The following IDE variants were observed in gnomAD, a reference collection of about 807,000 sequenced individuals.
The protein encoded by IDE is insulin-degrading enzyme.
IDE carries 58 observed loss-of-function variants against 133.2 expected under a neutral mutation model. The ratio of observed to expected loss-of-function variants is 0.44; its 90% confidence interval spans 0.35 to 0.54. The LOEUF (loss-of-function observed/expected upper bound fraction) is 0.54, where lower values mean the gene tolerates loss of function less well. IDE is among the 20% of genes least tolerant of loss of function. The pLI is 0.00. For synonymous variants in IDE, 396 were observed against 421.3 expected (o/e 0.94, Z 0.73); for missense variants, 981 against 1,234.0 (o/e 0.79, Z 3.07).
intron 1 of IDE, among the ~76,000 whole-genome samples, chr10:92,569,869 G>A (rs1247484020): frequency 6.6e-6 from 1 of 152,110 alleles, no homozygotes; most frequent in African/African-American, 2.4e-5. Context: ...GAGCACTTTG[G>A]GAGGCCAAGG....
chr10:92,559,183 G>A (rs1416392090), intron 1 of IDE: 1 of 152,198 alleles, frequency 6.6e-6, no homozygotes, highest in African/African-American at 2.4e-5. Flanking sequence ...ATGCAAAATA[G>A]TGCCGCTGCT....
At chr10:92,456,646 C>T in intron 22 of IDE, among the ~76,000 whole-genome samples, 1 of 151,950 alleles carries the variant, frequency 6.6e-6, no homozygotes, top group East Asian at 1.9e-4. Context: ...CGAGACCAGC[C>T]TGGCCAACAT....
In IDE at chr10:92,524,431, T is replaced by TA. The variant is rs1564647856; in HGVS notation, c.661+7316_661+7317insT. Among the ~76,000 whole-genome samples the TA allele has an allele frequency of 1.3e-3, 81 of 63,412 alleles. 15 individuals carry two copies. Among genetic ancestry groups the TA allele is most frequent in the African/African-American group, 5.3e-3 (79 of 14,960 alleles). 41.6% of individuals were successfully genotyped at this position (63,412 alleles called of 152,430 possible). A position where few individuals can be genotyped will look rare whatever the true frequency, so the allele number is the denominator to read the frequency against. On this transcript the variant is annotated intron_variant, in intron 4 of 24. Transcript: ENST00000265986. ...TATATATTATATTATATATAATATATTTTATATAATATATTTTATATATTA... is the reference window on the plus strand; with the variant it reads ...TATATATTATATTATATATAATATATATTTATATAATATATTTTATATATTA...
chr10:92,474,701 G>A, intron 17 of IDE, 140 bp downstream of exon 17: 2 of 702,912 alleles, frequency 2.8e-6, no homozygotes, highest in Non-Finnish European at 4.6e-6. Flanking sequence ...GCCCACCACT[G>A]TTTTTATAAA....
intron 9 of IDE, among the ~76,000 whole-genome samples, 154 bp from the exon 10 acceptor site, chr10:92,506,676 G>C (rs951164440): frequency 1.3e-5 from 2 of 150,808 alleles, no homozygotes; most frequent in African/African-American, 4.9e-5. Flanking sequence ...ATTTAGAAAT[G>C]TATAGAATAT....
chr10:92,487,660 A>G (rs979747861), intron 12 of IDE, among the ~76,000 whole-genome samples: 1 of 152,246 alleles, frequency 6.6e-6, no homozygotes, highest in African/African-American at 2.4e-5. Context: ...AATGGAGAAT[A>G]ATCTGCTCAG....
At chr10:92,497,357 G>T (rs1348019012) in intron 11 of IDE, among the ~76,000 whole-genome samples, 1 of 152,164 alleles carries the variant, frequency 6.6e-6, no homozygotes, top group Non-Finnish European at 1.5e-5. Flanking sequence ...TGGCTACCTT[G>T]GTATTTAATG....
chr10:92,493,393 CTTTT>C (rs746219687), intron 11 of IDE, among the ~76,000 whole-genome samples: 1 of 137,662 alleles, frequency 7.3e-6, no homozygotes, highest in Non-Finnish European at 1.6e-5. Context: ...CGCTTGATTT[CTTTT>C]TTTTTTTTTT....
chr10:92,548,743 T>C (rs183441270), intron 1 of IDE, among the ~76,000 whole-genome samples: 2 of 152,326 alleles, frequency 1.3e-5, no homozygotes, highest in African/African-American at 4.8e-5. Flanking sequence ...TTTATAAGAC[T>C]ATTAGGAAAC....
intron 14 of IDE, 177 bp from the exon 15 acceptor site, chr10:92,479,598 G>T (rs1216178158): frequency 1.8e-6 from 1 of 569,522 alleles, no homozygotes; most frequent in East Asian, 3.0e-5. Flanking sequence ...AAAGAAGCCT[G>T]AAGTGTGTGT....
intron 13 of IDE, among the ~76,000 whole-genome samples, chr10:92,484,562 G>A (rs1846852630): frequency 6.6e-6 from 1 of 151,952 alleles, no homozygotes; most frequent in East Asian, 1.9e-4. Context: ...GCAAAACCCT[G>A]TCTCTATTAA....
chr10:92,529,480 G>C (rs1300932400), intron 4 of IDE, among the ~76,000 whole-genome samples: 1 of 152,108 alleles, frequency 6.6e-6, no homozygotes, highest in Non-Finnish European at 1.5e-5. Context: ...AGCTTTTCAG[G>C]CTATAAAAAG....
At chr10:92,570,179 T>C (rs974726844) in intron 1 of IDE, among the ~76,000 whole-genome samples, 2 of 152,156 alleles carry the variant, frequency 1.3e-5, no homozygotes, top group African/African-American at 4.8e-5. Flanking sequence ...TAAAATAATT[T>C]TGTGAGTCCC....
chr10:92,545,946 T>C (rs540071310), intron 1 of IDE, among the ~76,000 whole-genome samples: 30 of 152,220 alleles, frequency 2.0e-4, no homozygotes, highest in Non-Finnish European at 3.2e-4. Context: ...ATAACCCAAA[T>C]AAATGCATTT....
In IDE at chr10:92,515,515, TC is replaced by T. The variant is rs1848863069; in HGVS notation, c.662-474del. ...ACCTCGTGATCCGCCCGCCTCAGCC[TC>T]CCAAAGTGCTGGGATTACAGGCATG... On this transcript the variant is annotated intron_variant, in intron 4 of 24. Transcript: ENST00000265986. 2.0e-5 allele frequency among the ~76,000 whole-genome samples: 3 copies of T among 149,170 alleles called. No individual in the cohort carries two copies. The East Asian group carries it at 6.1e-4, about 30-fold the overall frequency.
intron 11 of IDE, among the ~76,000 whole-genome samples, chr10:92,498,345 G>A (rs189362360): frequency 5.3e-5 from 8 of 151,724 alleles, no homozygotes; most frequent in Admixed American, 2.0e-4. Context: ...TAGTGAGGCC[G>A]GGTATGGGGG....
At chr10:92,501,383 A>AAAG (rs1270383850) in intron 11 of IDE, among the ~76,000 whole-genome samples, 1 of 144,894 alleles carries the variant, frequency 6.9e-6, no homozygotes, top group African/African-American at 2.5e-5. Flanking sequence ...AAAAAAAAAA[A>AAAG]AAAAAAAAGC....
In IDE at chr10:92,546,904, A is replaced by G. The variant is rs190335143; in HGVS notation, c.99-9354T>C. Among the ~76,000 whole-genome samples the G allele has an allele frequency of 1.1e-4, 16 of 152,352 alleles. No homozygotes were observed. In the East Asian group the frequency reaches 2.9e-3, roughly 28 times the overall value. The stretch of plus-strand genomic sequence containing the variant: ...ACAATTTTCAATATTTATACCAAAC[A>G]ACTTCTAATTCAGGATTTGAATGAG... On this transcript the variant is annotated intron_variant, in intron 1 of 24. Coordinates refer to ENST00000265986, the MANE Select transcript of IDE (RefSeq NM_004969.4).
rs192451126 is a variant in IDE at position 92,510,632 on chromosome 10, T to C, written c.785-470A>G. Among the ~76,000 whole-genome samples, 223 of 150,996 alleles carry C rather than the reference T, an allele frequency of 1.5e-3. 1 individual carries two copies. The highest frequency in any genetic ancestry group is 6.8e-3 in the Middle Eastern group (2 of 292). On this transcript the variant is annotated intron_variant, in intron 5 of 24. Coordinates refer to ENST00000265986, the MANE Select transcript of IDE (RefSeq NM_004969.4). Reference sequence around the variant, plus strand: ...TGCACATTTTATATGTGTGTGTGTATATATATATCACATATATGATATATA... The same window carrying C: ...TGCACATTTTATATGTGTGTGTGTACATATATATCACATATATGATATATA...
Sources: gnomAD v4.1 joint callset for allele counts (sites outside exome capture counted in the v4.1 genomes callset) on GRCh38, gnomAD v4.1.1 for gene constraint, MANE v1.5 for transcripts, NCBI Gene and HGNC (gene_info 2026-07-23, HGNC 2026-07-21) for gene names.